Variants in FLT3 observed in about 807,000 individuals in gnomAD.
The protein encoded by FLT3 is fms related receptor tyrosine kinase 3.
Under a neutral mutation model 126.6 loss-of-function variants are expected in FLT3, and 46 were observed. The ratio of observed to expected loss-of-function variants is 0.36; its 90% CI spans 0.29 to 0.46. FLT3 has a LOEUF of 0.46. FLT3 is among the 20% of genes least tolerant of loss of function. The pLI, the probability that FLT3 is intolerant of heterozygous loss-of-function variation, is 1.00. For synonymous variants in FLT3, 404 were observed against 434.4 expected (o/e 0.93, Z 0.87); for missense variants, 1,069 against 1,190.3 (o/e 0.90, Z 1.50).
chr13:28,044,988 G>C (rs544852497), intron 9 of FLT3, among the ~76,000 whole-genome samples: 1 of 152,356 alleles, frequency 6.6e-6, no homozygotes, highest in South Asian at 2.1e-4. Context: ...TCCCTGGTGA[G>C]ATGTGACATA....
At chr13:28,063,101 T>C (rs753190277) in intron 2 of FLT3, among the ~76,000 whole-genome samples, 1 of 152,162 alleles carries the variant, frequency 6.6e-6, no homozygotes, top group Non-Finnish European at 1.5e-5. Context: ...GTATCTGTGT[T>C]AGAGGAAATT....
chr13:28,088,614 C>G (rs1451154114), intron 1 of FLT3, among the ~76,000 whole-genome samples: 1 of 116,810 alleles, frequency 8.6e-6, no homozygotes, highest in Non-Finnish European at 1.7e-5. Context: ...GAGACAGAGT[C>G]TCACACTGTC....
intron 1 of FLT3, among the ~76,000 whole-genome samples, chr13:28,098,859 A>G (rs1879642648): frequency 6.6e-6 from 1 of 152,212 alleles, no homozygotes; most frequent in African/African-American, 2.4e-5. Context: ...GGTGGACATA[A>G]AAGAGCACAC....
At position 28,003,651 on chromosome 13, in the gene FLT3, A is replaced by G. The variant is rs1322912622; in HGVS notation, c.*401T>C. On this transcript the variant is annotated 3_prime_UTR_variant, in exon 24 of 24. Coordinates refer to ENST00000241453, the MANE Select transcript of FLT3 (RefSeq NM_004119.3). ...AATTTTATTCCCACCCATAAAATAT[A>G]TCACTAAATAGCTGAAAAATTTACA... is the stretch of plus-strand genomic sequence containing the variant. 4.0e-6 allele frequency: 1 copy of G among 251,254 alleles called. No individual in the cohort carries two copies. Among genetic ancestry groups the G allele is most frequent in the Non-Finnish European group, 7.8e-6 (1 of 127,582 alleles). The allele number at this position is 251,254 out of a possible 1,614,324, so 15.6% of individuals were successfully genotyped here.
At chr13:28,014,307 C>T in intron 23 of FLT3, 145 bp downstream of exon 23, 2 of 609,446 alleles carry the variant, frequency 3.3e-6, no homozygotes, top group East Asian at 2.8e-5. Context: ...TAAAGTCTTA[C>T]CCCACACAAC....
chr13:28,023,247 G>C (rs774759216), intron 19 of FLT3, 103 bp downstream of exon 19: 59 of 1,242,788 alleles, frequency 4.7e-5, no homozygotes, highest in Admixed American at 1.8e-4. Context: ...GGGGAGAAAA[G>C]GCAGACTTTA....
intron 4 of FLT3, among the ~76,000 whole-genome samples, chr13:28,053,387 T>C (rs941561992): frequency 6.6e-6 from 1 of 150,756 alleles, no homozygotes; most frequent in Non-Finnish European, 1.5e-5. Flanking sequence ...GAAAATACTA[T>C]GTACTGTTTG....
chr13:28,034,037 T>A, intron 14 of FLT3, 45 bp downstream of exon 14: 1 of 1,613,442 alleles, frequency 6.2e-7, no homozygotes, highest in Non-Finnish European at 8.5e-7. Context: ...GATTTTCCAA[T>A]GGAAAAGAAA....
intron 3 of FLT3, among the ~76,000 whole-genome samples, chr13:28,061,544 T>A (rs1041195675): frequency 6.6e-6 from 1 of 151,864 alleles, no homozygotes; most frequent in African/African-American, 2.4e-5. Flanking sequence ...GGTGGGTGGA[T>A]CGCTTAAACC....
intron 19 of FLT3, among the ~76,000 whole-genome samples, chr13:28,021,366 G>A (rs1257249129): frequency 1.3e-5 from 2 of 152,164 alleles, no homozygotes; most frequent in Non-Finnish European, 2.9e-5. Flanking sequence ...CTCCAGCCTG[G>A]GCAACAGAGC....
intron 1 of FLT3, among the ~76,000 whole-genome samples, chr13:28,092,143 T>TATCTGGGTATAGTTA (rs1879153990): frequency 6.6e-6 from 1 of 152,174 alleles, no homozygotes; most frequent in South Asian, 2.1e-4. Context: ...TGTCTTTAAC[T>TATCTGGGTATAGTTA]ATATATCTGG....
chr13:28,040,484 T>C (rs1874249682), intron 9 of FLT3, among the ~76,000 whole-genome samples: 1 of 152,142 alleles, frequency 6.6e-6, no homozygotes, highest in African/African-American at 2.4e-5. Flanking sequence ...GGTGGACTGC[T>C]TGAGGCCAGA....
intron 2 of FLT3, chr13:28,068,331 T>C (rs1217512853): frequency 1.3e-5 from 2 of 152,224 alleles, no homozygotes; most frequent in African/African-American, 4.8e-5. Flanking sequence ...GAATAGTTGG[T>C]GATATGGTTT....
rs901812382 is a variant in FLT3 at position 28,049,699 on chromosome 13, T to C, written c.818A>G (p.Lys273Arg). The change falls in exon 7 of 24, where the codon AAA becomes AGA. Residue 273 changes from lysine (K) to arginine (R), a missense_variant. Transcript: ENST00000241453. ...GAATCCATGGTTCACATGAACAGCT[T>C]TGCACCTTATCCATAAGGGTTCCCC... ...KVGEPLWIRC[K>R]AVHVNHGFGL... is the part of the protein sequence containing the mutation. The C allele has an allele frequency of 3.7e-6, 6 of 1,614,080 alleles. No individual in the cohort carries two copies. In the African/African-American group the frequency reaches 8.0e-5, roughly 22 times the overall value.
intron 1 of FLT3, among the ~76,000 whole-genome samples, chr13:28,082,670 T>TTTTTGTTTTGTTTTG (rs140799826): frequency 6.3e-5 from 9 of 143,402 alleles, no homozygotes; most frequent in Non-Finnish European, 7.6e-5. Flanking sequence ...GCCCAGCTAA[T>TTTTTGTTTTGTTTTG]TTTTGTTTTG....
At chr13:28,093,565 C>A (rs890942881) in intron 1 of FLT3, among the ~76,000 whole-genome samples, 18 of 152,184 alleles carry the variant, frequency 1.2e-4, no homozygotes, top group Non-Finnish European at 2.4e-4. Context: ...TGTGTCACAA[C>A]AACTCGGAAT....
At chr13:28,011,926 T>C (rs1871428161) in intron 23 of FLT3, among the ~76,000 whole-genome samples, 1 of 151,876 alleles carries the variant, frequency 6.6e-6, no homozygotes, top group South Asian at 2.1e-4. Flanking sequence ...GCCTCCCGAG[T>C]AGCTGGGATT....
At chr13:28,027,927 G>A (rs1479303773) in intron 16 of FLT3, among the ~76,000 whole-genome samples, 1 of 152,206 alleles carries the variant, frequency 6.6e-6, no homozygotes, top group Non-Finnish European at 1.5e-5. Flanking sequence ...TGTTGTTGTT[G>A]TTGTTGTTTT....
chr13:28,075,403 G>A (rs1019915433), intron 1 of FLT3, among the ~76,000 whole-genome samples: 2 of 152,078 alleles, frequency 1.3e-5, no homozygotes, highest in African/African-American at 2.4e-5. Flanking sequence ...CCATAAATAT[G>A]TAAAATATTA....
Sources: allele counts gnomAD v4.1 joint callset (sites outside exome capture counted in the v4.1 genomes callset), GRCh38; gene constraint gnomAD v4.1.1; transcripts MANE v1.5; gene names NCBI Gene and HGNC (gene_info 2026-07-23, HGNC 2026-07-21).